The following DDHD2 variants were observed in gnomAD, a reference collection of about 807,000 sequenced individuals.
The protein encoded by DDHD2 is triacylglycerol hydrolase DDHD2.
A neutral mutation model predicts 91.2 loss-of-function variants in DDHD2; 62 were observed. That is an observed-to-expected ratio of 0.68 (90% CI 0.55 to 0.84). The LOEUF (loss-of-function observed/expected upper bound fraction) is 0.84, where lower values mean the gene tolerates loss of function less well. DDHD2 is among the 40% of genes least tolerant of loss of function. The pLI is 0.00. For missense variants in DDHD2, 740 were observed against 846.9 expected (o/e 0.87, Z 1.57); for synonymous variants, 271 against 293.9 (o/e 0.92, Z 0.80).
intron 7 of DDHD2, among the ~76,000 whole-genome samples, chr8:38,243,565 A>T (rs969414572): frequency 1.3e-5 from 2 of 152,118 alleles, no homozygotes; most frequent in African/African-American, 4.8e-5. Flanking sequence ...TTCTGCCTCA[A>T]CCGTATCTTC....
Position 38,258,511 on chromosome 8 carries a change from C to T in DDHD2, c.2055-1529C>T, listed in dbSNP as rs59857806. On this transcript the variant is annotated intron_variant, in intron 16 of 17. Transcript: ENST00000397166. ...CAGGTGATCTGCCTGCCTCGACCTC[C>T]CAGTGTTAGGATTATAGGTGTGAGC... Among the ~76,000 whole-genome samples, 318 of 152,244 alleles carry T rather than the reference C, an allele frequency of 2.1e-3. 4 individuals carry two copies. The highest frequency in any genetic ancestry group is 7.1e-3 in the African/African-American group (294 of 41,534).
rs547363675 is a variant in DDHD2, at chr8:38,258,865, A to T, written c.2055-1175A>T. On this transcript the variant is annotated intron_variant, in intron 16 of 17. Coordinates refer to ENST00000397166, the MANE Select transcript of DDHD2 (RefSeq NM_015214.3). ...AGATCTAGAAGAATAATAGAGGCTT[A>T]TATCCTTAAGGCAGTCCCTCATGAG... 9.2e-5 allele frequency among the ~76,000 whole-genome samples: 14 copies of T among 152,390 alleles called. No homozygotes were observed. The South Asian group carries it at 2.7e-3, about 29-fold the overall frequency.
chr8:38,233,175 T>G lies in DDHD2; in HGVS notation c.181T>G (p.Ser61Ala), dbSNP rs760860946. 5 of 1,614,114 alleles carry G rather than the reference T, an allele frequency of 3.1e-6. No individual in the cohort carries two copies. The South Asian group carries it at 5.5e-5, about 18-fold the overall frequency. Residue 61 changes from serine to alanine, a missense_variant, in exon 2 of 18, where the codon TCT becomes GCT. Physicochemically the swap from Ser to Ala is moderately conservative, Grantham distance 99 (BLOSUM62 1). Coordinates refer to ENST00000397166, the MANE Select transcript of DDHD2 (RefSeq NM_015214.3). ...TAAGGAGACATGGATTCCTTTCAAC[T>G]CTGAGGATTCACAGCAGCTGGAAGA... ...DSKETWIPFN[S>A]EDSQQLEEAY...
At chr8:38,267,506 ATAAG>A, downstream of DDHD2, 1 of 1,263,884 alleles carries the variant, frequency 7.9e-7, no homozygotes, top group Middle Eastern at 2.1e-4. Context: ...CCCAGGCAAA[ATAAG>A]GTAACTGGCT....
downstream of DDHD2, chr8:38,264,830 C>A (rs971989976): frequency 2.5e-6 from 4 of 1,580,534 alleles, no homozygotes; most frequent in African/African-American, 4.1e-5. Flanking sequence ...CAAAACACAT[C>A]TTAAGTAAGT....
In DDHD2 at chr8:38,234,383, A is replaced by G. The variant is rs1804535557; in HGVS notation, c.221-11A>G. The G allele has an allele frequency of 5.2e-6, 8 of 1,551,684 alleles. No homozygotes were observed. The highest frequency in any genetic ancestry group is 4.7e-5 in the East Asian group (2 of 42,210). On this transcript the variant is annotated splice_polypyrimidine_tract_variant and intron_variant, in intron 2 of 17. Coordinates refer to ENST00000397166, the MANE Select transcript of DDHD2 (RefSeq NM_015214.3). ...ATATGTACTTCTTTTCCCCTTTTCA[A>G]TCCTTGAAAGGAAAAGGTTGTAATG...
chr8:38,236,160 C>A (rs532816455), intron 3 of DDHD2, among the ~76,000 whole-genome samples: 2 of 150,276 alleles, frequency 1.3e-5, no homozygotes, highest in Admixed American at 6.6e-5. Flanking sequence ...CTACAGGCGC[C>A]CGCCACCACG....
intron 1 of DDHD2, chr8:38,268,523 G>A: frequency 6.5e-7 from 1 of 1,540,318 alleles, no homozygotes; most frequent in Non-Finnish European, 8.7e-7. Flanking sequence ...TGCTCCTACA[G>A]GAAAGAGGGA....
At chr8:38,241,401 CT>C (rs1372174609) in intron 6 of DDHD2, among the ~76,000 whole-genome samples, 3 of 149,150 alleles carry the variant, frequency 2.0e-5, no homozygotes, top group African/African-American at 2.5e-5. Context: ...TTTCCTTTTC[CT>C]TTTTTTTTGT....
chr8:38,233,046 C>G lies in DDHD2; in HGVS notation c.52C>G (p.Pro18Ala), dbSNP rs1804416116. ...GCAGTTGTCCCAGTCAGATCCATCT[C>G]CGTCACCAAACTCATGTAGTTCCTT... ...QEQLSQSDPSPSPNSCSSFEL... is the reference protein window; with the variant it reads ...QEQLSQSDPSASPNSCSSFEL... The change falls in exon 2 of 18, where the codon CCG becomes GCG. Residue 18 changes from proline (P) to alanine (A), a missense_variant. Physicochemically the swap from Pro to Ala is conservative, Grantham distance 27. This residue lies in a region of DDHD2 where 693 missense variants were observed against 764.2 expected (regional missense o/e 0.91). Transcript: ENST00000397166. 6.2e-7 allele frequency: 1 copy of G among 1,614,194 alleles called. No individual in the cohort carries two copies. Among genetic ancestry groups the G allele is most frequent in the Non-Finnish European group, 8.5e-7 (1 of 1,180,042 alleles).
intron 7 of DDHD2, among the ~76,000 whole-genome samples, 166 bp downstream of exon 7, chr8:38,242,551 A>T (rs1289380106): frequency 1.3e-5 from 2 of 152,178 alleles, no homozygotes; most frequent in African/African-American, 4.8e-5. Context: ...CCTGGTTAGG[A>T]GTGGAGAGCT....
At chr8:38,256,628 G>A (rs951155416) in intron 16 of DDHD2, among the ~76,000 whole-genome samples, 1 of 152,190 alleles carries the variant, frequency 6.6e-6, no homozygotes, top group Non-Finnish European at 1.5e-5. Context: ...TATATCAATA[G>A]CATATCCTTT....
chr8:38,268,847 TGGGGAG>T, intron 1 of DDHD2: 1 of 1,515,064 alleles, frequency 6.6e-7, no homozygotes, highest in Non-Finnish European at 8.8e-7. Context: ...AGCCGGGTCA[TGGGGAG>T]GGAGGAAAGA....
At position 38,254,569 on chromosome 8, in the gene DDHD2, G is replaced by T. The variant is rs371184242; in HGVS notation, c.2054+851G>T. Among the ~76,000 whole-genome samples, 3 of 151,980 alleles carry T rather than the reference G, an allele frequency of 2.0e-5. No individual in the cohort carries two copies. The East Asian group carries it at 5.8e-4, about 29-fold the overall frequency. On this transcript the variant is annotated intron_variant, in intron 16 of 17. Transcript: ENST00000397166. The stretch of plus-strand genomic sequence containing the variant: ...CTAATTTTTGTACAGACAGGGTTTC[G>T]CCATGTTGCCCAGGCTGGTCTAAAC...
At chr8:38,263,534 T>C (rs1489281408), downstream of DDHD2, 2 of 985,342 alleles carry the variant, frequency 2.0e-6, no homozygotes, top group Admixed American at 1.2e-4. Context: ...TTGTTTTCAC[T>C]TAGTAATTCA....
chr8:38,239,866 C>T (rs1046470382), intron 5 of DDHD2, among the ~76,000 whole-genome samples: 4 of 151,032 alleles, frequency 2.6e-5, no homozygotes, highest in African/African-American at 9.7e-5. Flanking sequence ...GCTGGGATTA[C>T]AGGCATGTGC....
downstream of DDHD2, chr8:38,272,160 A>T (rs1173746216): frequency 6.6e-6 from 1 of 152,216 alleles, no homozygotes; most frequent in Non-Finnish European, 1.5e-5. Flanking sequence ...GTTTTCAAAT[A>T]TTTTGTGTAA....
intron 1 of DDHD2, chr8:38,268,680 TTG>T: frequency 1.4e-6 from 2 of 1,431,854 alleles, no homozygotes; most frequent in Non-Finnish European, 1.8e-6. Flanking sequence ...CGGGAAAACG[TTG>T]TCTCAGCCCA....
downstream of DDHD2, chr8:38,264,029 A>C (rs1278042224): frequency 1.0e-6 from 1 of 987,078 alleles, no homozygotes; most frequent in African/African-American, 1.7e-5. Context: ...TGGAGGCAGA[A>C]TACAGTGTGG....
Sources: allele counts gnomAD v4.1 joint callset (sites outside exome capture counted in the v4.1 genomes callset), GRCh38; gene constraint gnomAD v4.1.1; regional missense constraint gnomAD v4.1.1; transcripts MANE v1.5; gene names NCBI Gene and HGNC (gene_info 2026-07-23, HGNC 2026-07-21).